Variants in PRKN observed in about 807,000 individuals in gnomAD.
The protein encoded by PRKN is parkin RBR E3 ubiquitin protein ligase, also known as E3 ubiquitin-protein ligase parkin.
Under a neutral mutation model 59.5 loss-of-function variants are expected in PRKN, and 56 were observed. The observed-to-expected ratio is 0.94, with a 90% CI of 0.76 to 1.18. PRKN has a LOEUF of 1.18. Among genes scored for constraint, PRKN ranks in the 50% most tolerant of loss-of-function variants. The probability of loss-of-function intolerance (pLI) is 0.00; values close to 1 mark genes in which losing one functional copy is unlikely to be tolerated. For missense variants in PRKN, 657 were observed against 596.4 expected (o/e 1.10, Z -1.06); for synonymous variants, 250 against 222.1 (o/e 1.13, Z -1.12).
intron 1 of PRKN, among the ~76,000 whole-genome samples, chr6:162,653,915 C>T (rs1778541925): frequency 6.6e-6 from 1 of 152,090 alleles, no homozygotes; most frequent in Non-Finnish European, 1.5e-5. Context: ...AATGAATAAC[C>T]ATTTATACAC....
chr6:162,084,240 T>C (rs1445358280), intron 4 of PRKN, among the ~76,000 whole-genome samples: 1 of 152,164 alleles, frequency 6.6e-6, no homozygotes, highest in Non-Finnish European at 1.5e-5. Context: ...CGATTACTTT[T>C]GCACCAAACC....
At chr6:162,096,129 CAT>C (rs1244980501) in intron 4 of PRKN, among the ~76,000 whole-genome samples, 1 of 152,166 alleles carries the variant, frequency 6.6e-6, no homozygotes, top group Non-Finnish European at 1.5e-5. Context: ...GATATCTACA[CAT>C]GTGTAGATTG....
At chr6:161,974,065 G>A (rs1352177486) in intron 5 of PRKN, among the ~76,000 whole-genome samples, 6 of 152,260 alleles carry the variant, frequency 3.9e-5, no homozygotes, top group South Asian at 4.1e-4. Context: ...TCAGGAGTTC[G>A]AGACCAGCCT....
At chr6:161,496,710 C>T (rs1777764297) in intron 9 of PRKN, among the ~76,000 whole-genome samples, 1 of 152,156 alleles carries the variant, frequency 6.6e-6, no homozygotes, top group East Asian at 1.9e-4. Context: ...CACAGCCAAA[C>T]CATATCATAA....
chr6:162,186,343 G>A (rs1452831890), intron 4 of PRKN, among the ~76,000 whole-genome samples: 1 of 150,666 alleles, frequency 6.6e-6, no homozygotes, highest in African/African-American at 2.5e-5. Flanking sequence ...TAGGCTCAAA[G>A]CCAAATCAAG....
At chr6:161,437,786 G>A (rs750221635) in intron 9 of PRKN, among the ~76,000 whole-genome samples, 2 of 152,090 alleles carry the variant, frequency 1.3e-5, no homozygotes, top group Non-Finnish European at 2.9e-5. Context: ...ACCTAAGCAG[G>A]GCTAGTCTGT....
At chr6:161,731,027 T>C (rs181082174) in intron 7 of PRKN, among the ~76,000 whole-genome samples, 262 of 152,290 alleles carry the variant, frequency 1.7e-3, no homozygotes, top group South Asian at 4.8e-3. Context: ...GCATTCGTTC[T>C]GATATCTTGC....
At chr6:162,409,394 T>C (rs1042229934) in intron 2 of PRKN, among the ~76,000 whole-genome samples, 1 of 152,006 alleles carries the variant, frequency 6.6e-6, no homozygotes, top group East Asian at 1.9e-4. Context: ...TGGCTTAAAG[T>C]GATCATCCAG....
At chr6:162,431,655 T>C (rs1789535733) in intron 2 of PRKN, among the ~76,000 whole-genome samples, 1 of 152,216 alleles carries the variant, frequency 6.6e-6, no homozygotes, top group Admixed American at 6.5e-5. Flanking sequence ...GATATTTTTA[T>C]AGTTCTCTCA....
chr6:162,141,169 A>G (rs889274334), intron 4 of PRKN, among the ~76,000 whole-genome samples: 2 of 151,938 alleles, frequency 1.3e-5, no homozygotes, highest in African/African-American at 4.8e-5. Context: ...AAAATAAAAA[A>G]GATTATTTAT....
At chr6:162,606,168 C>T (rs1042683969) in intron 1 of PRKN, among the ~76,000 whole-genome samples, 3 of 152,160 alleles carry the variant, frequency 2.0e-5, no homozygotes, top group Admixed American at 2.0e-4. Flanking sequence ...TCTTTTGCCT[C>T]TCACTGAATT....
At chr6:162,426,689 C>T (rs185746868) in intron 2 of PRKN, among the ~76,000 whole-genome samples, 24 of 152,296 alleles carry the variant, frequency 1.6e-4, no homozygotes, top group Non-Finnish European at 1.8e-4. Context: ...TCAAGGGATC[C>T]GCCCACCTGG....
intron 4 of PRKN, among the ~76,000 whole-genome samples, chr6:162,193,680 G>C (rs1049888910): frequency 6.6e-6 from 1 of 152,154 alleles, no homozygotes; most frequent in African/African-American, 2.4e-5. Context: ...TTCTAGGAAG[G>C]CTGCTGAAAA....
intron 2 of PRKN, among the ~76,000 whole-genome samples, chr6:162,308,781 A>C (rs1389785723): frequency 6.6e-6 from 1 of 152,112 alleles, no homozygotes; most frequent in Non-Finnish European, 1.5e-5. Flanking sequence ...GTGGTCCTTT[A>C]TCAGATTATA....
intron 3 of PRKN, among the ~76,000 whole-genome samples, chr6:162,221,448 A>T (rs752112961): frequency 4.6e-5 from 7 of 152,180 alleles, no homozygotes; most frequent in African/African-American, 7.2e-5. Flanking sequence ...TGCTATCTTA[A>T]ACCAAAGCTA....
chr6:161,806,921 G>A (rs1388914667), intron 6 of PRKN, among the ~76,000 whole-genome samples: 6 of 152,132 alleles, frequency 3.9e-5, no homozygotes, highest in South Asian at 2.1e-4. Context: ...GAAATCATCC[G>A]AACACCACCT....
intron 2 of PRKN, among the ~76,000 whole-genome samples, chr6:162,391,410 A>G (rs901047363): frequency 2.0e-5 from 3 of 151,262 alleles, no homozygotes; most frequent in Non-Finnish European, 2.9e-5. Context: ...AACATCTGCA[A>G]TGACTTCCTC....
Position 162,067,525 on chromosome 6 carries a change from C to T in PRKN, c.535-13351G>A, listed in dbSNP as rs536257062. Reference sequence around the variant, plus strand: ...ATGAGTTCATGAGTTTTTACAATTACAGAAGTTGACCATAAAACCCAAACT... The same window carrying T: ...ATGAGTTCATGAGTTTTTACAATTATAGAAGTTGACCATAAAACCCAAACT... On this transcript the variant is annotated intron_variant, in intron 4 of 11. Coordinates refer to ENST00000366898, the MANE Select transcript of PRKN (RefSeq NM_004562.3). Among the ~76,000 whole-genome samples, 25 of 152,282 alleles carry T rather than the reference C, an allele frequency of 1.6e-4. No homozygotes were observed. The South Asian group carries it at 4.8e-3, about 29-fold the overall frequency.
intron 4 of PRKN, among the ~76,000 whole-genome samples, chr6:162,155,557 T>C (rs1044035756): frequency 9.2e-5 from 14 of 152,124 alleles, no homozygotes; most frequent in African/African-American, 3.4e-4. Flanking sequence ...AATTTCAGCG[T>C]CAGAGACAGC....
Sources: gnomAD v4.1 joint callset for allele counts (sites outside exome capture counted in the v4.1 genomes callset) on GRCh38, gnomAD v4.1.1 for gene constraint, MANE v1.5 for transcripts, NCBI Gene and HGNC (gene_info 2026-07-23, HGNC 2026-07-21) for gene names.